KCND3: variants seen among roughly 807,000 people sequenced by gnomAD.
KCND3 encodes potassium voltage-gated channel subfamily D member 3.
In KCND3, 9 loss-of-function variants were observed where a neutral mutation model predicts 51.1. The ratio of observed to expected loss-of-function variants is 0.18; its 90% CI spans 0.11 to 0.31. KCND3 has a LOEUF of 0.31. Ranked by LOEUF, KCND3 falls within the 10% of genes least tolerant of loss-of-function variation. KCND3 has a pLI of 1.00. For missense variants in KCND3, 526 were observed against 903.8 expected (o/e 0.58, Z 5.36); for synonymous variants, 349 against 368.0 (o/e 0.95, Z 0.59).
At chr1:111,810,469 G>A (rs992097617) in intron 2 of KCND3, among the ~76,000 whole-genome samples, 4 of 152,230 alleles carry the variant, frequency 2.6e-5, no homozygotes, top group African/African-American at 9.6e-5. Context: ...GGCCGATGCT[G>A]GGCACAGACT....
chr1:111,795,186 AC>A (rs896518687), intron 2 of KCND3, among the ~76,000 whole-genome samples: 1 of 151,832 alleles, frequency 6.6e-6, no homozygotes, highest in Non-Finnish European at 1.5e-5. Context: ...TACCACATGC[AC>A]CCCCTACCCC....
At chr1:111,839,219 CT>C (rs1353282768) in intron 2 of KCND3, among the ~76,000 whole-genome samples, 2 of 152,224 alleles carry the variant, frequency 1.3e-5, no homozygotes, top group African/African-American at 4.8e-5. Context: ...AACATTTCAG[CT>C]ATTGTATCTG....
rs777826432 is a variant in KCND3 at position 111,780,336 on chromosome 1, T to C, written c.1372-22A>G. 7 of 1,552,020 alleles carry C rather than the reference T, an allele frequency of 4.5e-6. No individual in the cohort carries two copies. The Admixed American group carries it at 5.9e-5, about 13-fold the overall frequency. Reference sequence around the variant, plus strand: ...TGCCCTAGTAAAAAAAGAAGAGAGATTGAGTAAAAAGCTGGTGGCTCTTCC... The same window carrying C: ...TGCCCTAGTAAAAAAAGAAGAGAGACTGAGTAAAAAGCTGGTGGCTCTTCC... On this transcript the variant is annotated intron_variant, in intron 4 of 7. Coordinates refer to ENST00000302127, the MANE Select transcript of KCND3 (RefSeq NM_001378969.1). The surrounding 1 kb of genome is among the most constrained non-coding windows in gnomAD (Gnocchi z 4.2).
intron 2 of KCND3, among the ~76,000 whole-genome samples, chr1:111,942,097 A>T (rs1040434165): frequency 1.3e-5 from 2 of 152,188 alleles, no homozygotes; most frequent in Non-Finnish European, 2.9e-5. Flanking sequence ...GGCACAAGCC[A>T]CGTCCACATA....
chr1:111,956,236 C>G (rs1017352775), intron 2 of KCND3, among the ~76,000 whole-genome samples: 8 of 152,098 alleles, frequency 5.3e-5, no homozygotes, highest in Non-Finnish European at 1.0e-4. Context: ...CTCACTCTCA[C>G]TTTGCCTCCC....
chr1:111,818,042 A>G (rs1195874285), intron 2 of KCND3, among the ~76,000 whole-genome samples: 14 of 19,012 alleles, frequency 7.4e-4, no homozygotes, highest in African/African-American at 1.0e-3. Flanking sequence ...ACGCGCGTGC[A>G]CACACACACA....
chr1:111,808,773 G>A (rs1260908459), intron 2 of KCND3, among the ~76,000 whole-genome samples: 2 of 152,218 alleles, frequency 1.3e-5, no homozygotes, highest in Non-Finnish European at 2.9e-5. Flanking sequence ...AAAATCCCCA[G>A]CTCCAAGAGG....
At chr1:111,851,890 G>C (rs527317772) in intron 2 of KCND3, among the ~76,000 whole-genome samples, 23 of 152,386 alleles carry the variant, frequency 1.5e-4, no homozygotes, top group African/African-American at 5.5e-4. Context: ...GCTGAGGGCA[G>C]TAAGGTGCAA....
intron 2 of KCND3, among the ~76,000 whole-genome samples, chr1:111,944,231 C>T (rs750086670): frequency 1.5e-4 from 23 of 152,232 alleles, no homozygotes; most frequent in African/African-American, 3.6e-4. Flanking sequence ...TAGGGAGGCC[C>T]GGCTGAGGGG....
At chr1:111,911,857 A>G (rs935190631) in intron 2 of KCND3, among the ~76,000 whole-genome samples, 1 of 152,228 alleles carries the variant, frequency 6.6e-6, no homozygotes, top group Non-Finnish European at 1.5e-5. Flanking sequence ...AGAGAGGTGA[A>G]TCAAATGAGA....
Position 111,770,750 on chromosome 1 carries a change from T to C in KCND3, c.*5327A>G, listed in dbSNP as rs191765659. Reference sequence around the variant, plus strand: ...ACACGACTCAATACTGTAAATGATATACATGTTTTAACATATGCACTACAG... The same window carrying C: ...ACACGACTCAATACTGTAAATGATACACATGTTTTAACATATGCACTACAG... On this transcript the variant is annotated 3_prime_UTR_variant, in exon 8 of 8. Coordinates refer to ENST00000302127, the MANE Select transcript of KCND3 (RefSeq NM_001378969.1). 9.2e-5 allele frequency: 14 copies of C among 152,216 alleles called. No individual in the cohort carries two copies. Among genetic ancestry groups the C allele is most frequent in the African/African-American group, 3.4e-4 (14 of 41,546 alleles). The allele number at this position is 152,216 out of a possible 1,614,324, so 9.4% of individuals were successfully genotyped here. A position where few individuals can be genotyped will look rare whatever the true frequency, so the allele number is the denominator to read the frequency against.
At chr1:111,979,565 T>C (rs1038032452) in intron 2 of KCND3, among the ~76,000 whole-genome samples, 1 of 152,112 alleles carries the variant, frequency 6.6e-6, no homozygotes, top group African/African-American at 2.4e-5. Flanking sequence ...CCTGATGGCA[T>C]GGGAATGAGT....
intron 2 of KCND3, among the ~76,000 whole-genome samples, chr1:111,965,575 C>T (rs1446087513): frequency 6.6e-6 from 1 of 151,802 alleles, no homozygotes. Context: ...CTCTCCAAAC[C>T]AGCTTTCTCA....
chr1:111,970,173 C>T (rs1674250654), intron 2 of KCND3, among the ~76,000 whole-genome samples: 1 of 152,110 alleles, frequency 6.6e-6, no homozygotes, highest in African/African-American at 2.4e-5. Context: ...CCTGTCACCA[C>T]TCCAAGCTAA....
intron 2 of KCND3, among the ~76,000 whole-genome samples, chr1:111,882,716 C>T (rs1048150601): frequency 1.3e-5 from 2 of 152,132 alleles, no homozygotes; most frequent in African/African-American, 4.8e-5. Flanking sequence ...TTATTTTAAA[C>T]CTGTATTAAT....
intron 2 of KCND3, among the ~76,000 whole-genome samples, chr1:111,899,808 G>A (rs1462180018): frequency 2.0e-5 from 3 of 152,166 alleles, no homozygotes; most frequent in Non-Finnish European, 4.4e-5. Flanking sequence ...TGTGTGTGTG[G>A]CACTTAGGTG....
intron 2 of KCND3, among the ~76,000 whole-genome samples, chr1:111,823,628 G>T (rs901617011): frequency 6.6e-6 from 1 of 152,168 alleles, no homozygotes; most frequent in Non-Finnish European, 1.5e-5. Context: ...TCATTGTGGG[G>T]TGCATTATGT....
intron 2 of KCND3, among the ~76,000 whole-genome samples, chr1:111,818,010 T>A (rs570968234): frequency 6.6e-6 from 1 of 151,602 alleles, no homozygotes; most frequent in Non-Finnish European, 1.5e-5. Context: ...TAATACCAGG[T>A]GTGAGCTGTT....
At chr1:111,798,798 T>G (rs1429117252) in intron 2 of KCND3, among the ~76,000 whole-genome samples, 1 of 150,438 alleles carries the variant, frequency 6.6e-6, no homozygotes, top group African/African-American at 2.5e-5. Flanking sequence ...TACTGGATCA[T>G]CAGAGGGCCT....
Sources: allele counts gnomAD v4.1 joint callset (sites outside exome capture counted in the v4.1 genomes callset), GRCh38; gene constraint gnomAD v4.1.1; non-coding constraint Gnocchi (gnomAD v3.1); transcripts MANE v1.5; gene names NCBI Gene and HGNC (gene_info 2026-07-23, HGNC 2026-07-21).